The following ADCY2 variants were observed in gnomAD, a reference collection of about 807,000 sequenced individuals.
ADCY2 encodes the protein adenylate cyclase 2, also known as adenylate cyclase type 2.
Under a neutral mutation model 125.2 loss-of-function variants are expected in ADCY2, and 31 were observed. The observed-to-expected ratio is 0.25, with a 90% CI of 0.19 to 0.33. ADCY2 has a LOEUF of 0.33. Ranked by LOEUF, ADCY2 falls within the 10% of genes least tolerant of loss-of-function variation. The pLI, the probability that ADCY2 is intolerant of heterozygous loss-of-function variation, is 1.00. For missense variants in ADCY2, 904 were observed against 1,418.2 expected (o/e 0.64, Z 5.82); for synonymous variants, 512 against 548.4 (o/e 0.93, Z 0.93).
At chr5:7,716,738 G>A (rs1741604045) in intron 11 of ADCY2, among the ~76,000 whole-genome samples, 1 of 152,210 alleles carries the variant, frequency 6.6e-6, no homozygotes, top group African/African-American at 2.4e-5. Flanking sequence ...TCACTCATAT[G>A]TGGGAGCCAA....
At chr5:7,535,086 G>A (rs190452945) in intron 3 of ADCY2, among the ~76,000 whole-genome samples, 2 of 152,282 alleles carry the variant, frequency 1.3e-5, no homozygotes, top group African/African-American at 4.8e-5. Context: ...TGTCACCCAG[G>A]CTAGAGTGCA....
intron 22 of ADCY2, among the ~76,000 whole-genome samples, chr5:7,813,517 C>T (rs7726571): frequency 0.2 from 31,050 of 151,968 alleles, 4,009 homozygotes; most frequent in Middle Eastern, 0.3. Flanking sequence ...GCTGGAAGCC[C>T]GTTAAATAGC....
At chr5:7,622,826 C>T (rs566590868) in intron 3 of ADCY2, among the ~76,000 whole-genome samples, 21 of 152,296 alleles carry the variant, frequency 1.4e-4, no homozygotes, top group African/African-American at 4.1e-4. Flanking sequence ...GGCAGCACAG[C>T]GGGGAGCACC....
intron 2 of ADCY2, among the ~76,000 whole-genome samples, chr5:7,509,337 G>A (rs1301696302): frequency 2.0e-5 from 3 of 152,144 alleles, no homozygotes; most frequent in Non-Finnish European, 4.4e-5. Context: ...GAGGAGAAAT[G>A]GGGTCAGAAT....
At chr5:7,555,241 C>A (rs1214077814) in intron 3 of ADCY2, among the ~76,000 whole-genome samples, 5 of 152,208 alleles carry the variant, frequency 3.3e-5, no homozygotes, top group Admixed American at 3.3e-4. Context: ...ATGCATCTTG[C>A]ACTCAGTTAC....
At chr5:7,713,710 G>A (rs922171243) in intron 11 of ADCY2, among the ~76,000 whole-genome samples, 1 of 151,864 alleles carries the variant, frequency 6.6e-6, no homozygotes, top group African/African-American at 2.4e-5. Flanking sequence ...TCTATCTTTC[G>A]GGCACAGAGT....
chr5:7,722,166 G>A (rs1296916009), intron 12 of ADCY2, among the ~76,000 whole-genome samples: 1 of 152,190 alleles, frequency 6.6e-6, no homozygotes, highest in Non-Finnish European at 1.5e-5. Flanking sequence ...CCCAAGCACA[G>A]ATCTAATGCT....
chr5:7,621,996 T>G (rs1737968926), intron 3 of ADCY2, among the ~76,000 whole-genome samples: 1 of 152,164 alleles, frequency 6.6e-6, no homozygotes, highest in Non-Finnish European at 1.5e-5. Context: ...ATTTTCCTCC[T>G]AAGACATCTC....
intron 3 of ADCY2, among the ~76,000 whole-genome samples, chr5:7,553,614 G>A (rs2126577144): frequency 6.6e-6 from 1 of 152,312 alleles, no homozygotes; most frequent in Admixed American, 6.5e-5. Flanking sequence ...TTTGAGAGAA[G>A]CATCACCAAG....
intron 2 of ADCY2, among the ~76,000 whole-genome samples, chr5:7,475,187 A>C (rs1048567894): frequency 1.3e-5 from 2 of 152,194 alleles, no homozygotes; most frequent in African/African-American, 4.8e-5. Context: ...TATGAAGAGA[A>C]AACCGGAAGT....
intron 14 of ADCY2, among the ~76,000 whole-genome samples, chr5:7,739,212 A>T (rs1443768086): frequency 6.6e-6 from 1 of 151,884 alleles, no homozygotes; most frequent in Non-Finnish European, 1.5e-5. Context: ...TGAGGACAAA[A>T]AAATCATATA....
intron 2 of ADCY2, among the ~76,000 whole-genome samples, chr5:7,499,681 ATG>A (rs1491559246): frequency 2.7e-4 from 34 of 124,048 alleles, no homozygotes; most frequent in African/African-American, 8.7e-4. Flanking sequence ...ATATATATAT[ATG>A]TATATATATG....
chr5:7,812,763 A>G (rs1744986238), intron 22 of ADCY2, among the ~76,000 whole-genome samples: 1 of 152,088 alleles, frequency 6.6e-6, no homozygotes, highest in South Asian at 2.1e-4. Context: ...CAAAAAATTA[A>G]CCAGGCTTGG....
At chr5:7,631,544 C>T (rs113309852) in intron 4 of ADCY2, among the ~76,000 whole-genome samples, 13 of 152,256 alleles carry the variant, frequency 8.5e-5, no homozygotes, top group South Asian at 4.1e-4. Flanking sequence ...TTTTCCAGGA[C>T]GTGAAGGACT....
At chr5:7,408,304 C>G (rs769146842) in intron 1 of ADCY2, among the ~76,000 whole-genome samples, 7 of 152,128 alleles carry the variant, frequency 4.6e-5, no homozygotes, top group Admixed American at 1.3e-4. Flanking sequence ...CCACTGTTAC[C>G]ACGCACCACA....
At position 7,724,730 on chromosome 5, in the gene ADCY2, G is replaced by A. The variant is rs1039852936; in HGVS notation, c.1773+116G>A. On this transcript the variant is annotated intron_variant, in intron 13 of 24. Transcript: ENST00000338316. ...ATTTAAACTGCCTCTGACTATATTCGAACTCTTTCTGGCTTTTCTGGTGGT... is the reference window on the plus strand; with the variant it reads ...ATTTAAACTGCCTCTGACTATATTCAAACTCTTTCTGGCTTTTCTGGTGGT... 23 of 734,024 alleles carry A rather than the reference G, an allele frequency of 3.1e-5. No individual in the cohort carries two copies. In the South Asian group the frequency reaches 3.2e-4, roughly 10 times the overall value. The allele number at this position is 734,024 out of a possible 1,614,324, so 45.5% of individuals were successfully genotyped here. A position where few individuals can be genotyped will look rare whatever the true frequency, so the allele number is the denominator to read the frequency against.
At chr5:7,814,208 T>C (rs370319911) in intron 22 of ADCY2, among the ~76,000 whole-genome samples, 168 of 149,692 alleles carry the variant, frequency 1.1e-3, no homozygotes, top group African/African-American at 4.2e-3. Flanking sequence ...TTTGACTTTT[T>C]CTGGAATGAT....
chr5:7,396,474 G>A lies in ADCY2; in HGVS notation c.178G>A (p.Ala60Thr), dbSNP rs150938252. Residue 60 changes from alanine (A) to threonine (T), a missense_variant, in exon 1 of 25, where the codon GCC becomes ACC. By Grantham distance (58) the Ala-to-Thr change is moderately conservative. Transcript: ENST00000338316. The surrounding 1 kb of genome is among the most constrained non-coding windows in gnomAD (Gnocchi z 5.7). ...GCTCATCGTCATGGGCTCCTGCCTC[G>A]CCCTGCTCGCCGTCTTCTTCGCGCT... is the stretch of plus-strand genomic sequence containing the variant. ...LLLIVMGSCL[A>T]LLAVFFALGL... 6.7e-5 allele frequency: 105 copies of A among 1,569,940 alleles called. No homozygotes were observed. Among genetic ancestry groups the A allele is most frequent in the African/African-American group, 8.5e-5 (6 of 70,996 alleles).
rs188835186 is a variant in ADCY2, at chr5:7,533,968, G to T, written c.570+13069G>T. Among the ~76,000 whole-genome samples, 298 of 152,260 alleles carry T rather than the reference G, an allele frequency of 2.0e-3. 1 individual carries two copies. Among genetic ancestry groups the T allele is most frequent in the African/African-American group, 6.7e-3 (278 of 41,544 alleles). On this transcript the variant is annotated intron_variant, in intron 3 of 24. Transcript: ENST00000338316. ...GGTTCCCATAGCCAATGGAGATGCT[G>T]ACTGTGGGATCTTCATGCTGCTGAG...
Sources: allele counts gnomAD v4.1 joint callset (sites outside exome capture counted in the v4.1 genomes callset), GRCh38; gene constraint gnomAD v4.1.1; non-coding constraint Gnocchi (gnomAD v3.1); transcripts MANE v1.5; gene names NCBI Gene and HGNC (gene_info 2026-07-23, HGNC 2026-07-21).